The following PTPRD variants were observed in gnomAD, a reference collection of about 807,000 sequenced individuals.
The protein encoded by PTPRD is protein tyrosine phosphatase receptor type D.
PTPRD carries 34 observed loss-of-function variants against 214.5 expected under a neutral mutation model. The ratio of observed to expected loss-of-function variants is 0.16; its 90% CI spans 0.12 to 0.21. The LOEUF is 0.21. Among genes scored for constraint, PTPRD ranks in the 10% least tolerant of loss-of-function variants. The probability of loss-of-function intolerance (pLI) is 1.00; values close to 1 mark genes in which losing one functional copy is unlikely to be tolerated. For synonymous variants in PTPRD, 1,128 were observed against 845.7 expected (o/e 1.33, Z -5.79); for missense variants, 2,545 against 2,398.7 (o/e 1.06, Z -1.27).
At chr9:9,845,024 A>C (rs2059155155) in intron 5 of PTPRD, among the ~76,000 whole-genome samples, 1 of 146,268 alleles carries the variant, frequency 6.8e-6, no homozygotes, top group Non-Finnish European at 1.5e-5. Context: ...GTATGTATAT[A>C]TATACTGCTA....
At chr9:10,515,958 T>C (rs911010363) in intron 2 of PTPRD, among the ~76,000 whole-genome samples, 1 of 151,968 alleles carries the variant, frequency 6.6e-6, no homozygotes, top group African/African-American at 2.4e-5. Context: ...ATATACTACA[T>C]TTTACTCATC....
intron 2 of PTPRD, among the ~76,000 whole-genome samples, chr9:10,412,541 C>T (rs10809087): frequency 6.6e-6 from 1 of 151,034 alleles, no homozygotes; most frequent in Admixed American, 6.6e-5. Flanking sequence ...AAAATTGAGG[C>T]TGGACACTTC....
intron 11 of PTPRD, among the ~76,000 whole-genome samples, chr9:8,849,257 G>A (rs2097767051): frequency 7.0e-6 from 1 of 142,788 alleles, no homozygotes; most frequent in Non-Finnish European, 1.5e-5. Flanking sequence ...TTCACTGCAA[G>A]CTCCGCCTCT....
rs369103390 is a variant in PTPRD at position 8,548,356 on chromosome 9, T to C, written c.353-19577A>G. Reference sequence around the variant, plus strand: ...TGGGGTTCATGTGTTAGGTTGTATATGCATGCAGCTGGAATTTTGTTTTTT... The same window carrying C: ...TGGGGTTCATGTGTTAGGTTGTATACGCATGCAGCTGGAATTTTGTTTTTT... On this transcript the variant is annotated intron_variant, in intron 14 of 45. Coordinates refer to ENST00000381196, the MANE Select transcript of PTPRD (RefSeq NM_002839.4). 9.9e-5 allele frequency among the ~76,000 whole-genome samples: 15 copies of C among 151,992 alleles called. No homozygotes were observed. The East Asian group carries it at 2.9e-3, about 30-fold the overall frequency.
At chr9:9,964,407 G>A (rs1480341205) in intron 4 of PTPRD, among the ~76,000 whole-genome samples, 4 of 152,152 alleles carry the variant, frequency 2.6e-5, no homozygotes, top group African/African-American at 9.7e-5. Context: ...GAGAGAATGA[G>A]AATGTTTTCT....
At chr9:9,074,333 T>C (rs964433921) in intron 10 of PTPRD, among the ~76,000 whole-genome samples, 2 of 152,016 alleles carry the variant, frequency 1.3e-5, no homozygotes, top group African/African-American at 4.8e-5. Context: ...TAAAACACAA[T>C]TTGTAAAAAT....
intron 12 of PTPRD, among the ~76,000 whole-genome samples, chr9:8,725,748 T>C (rs2098549857): frequency 1.3e-5 from 2 of 152,190 alleles, no homozygotes; most frequent in Non-Finnish European, 2.9e-5. Context: ...ATTTTACAGA[T>C]GAGAGACACA....
intron 11 of PTPRD, among the ~76,000 whole-genome samples, chr9:8,735,132 T>C (rs1268161556): frequency 6.7e-6 from 1 of 148,392 alleles, no homozygotes. Flanking sequence ...AATTTGGTTT[T>C]TTTTTGTTTT....
chr9:9,013,673 G>A (rs1049831382), intron 11 of PTPRD, among the ~76,000 whole-genome samples: 57 of 152,048 alleles, frequency 3.7e-4, no homozygotes, highest in African/African-American at 1.4e-3. Context: ...GCATTTCATT[G>A]CATACAGAAG....
At chr9:8,732,212 G>C (rs1274652983) in intron 12 of PTPRD, among the ~76,000 whole-genome samples, 1 of 152,136 alleles carries the variant, frequency 6.6e-6, no homozygotes, top group East Asian at 1.9e-4. Context: ...CTTTTCACCA[G>C]AGAATTAAGC....
intron 11 of PTPRD, among the ~76,000 whole-genome samples, chr9:8,815,944 G>A (rs1309692797): frequency 6.6e-6 from 1 of 152,162 alleles, no homozygotes; most frequent in African/African-American, 2.4e-5. Context: ...GGTGGTACTT[G>A]AGTGATTTGA....
At chr9:9,262,864 G>A (rs188007149) in intron 9 of PTPRD, among the ~76,000 whole-genome samples, 19 of 151,552 alleles carry the variant, frequency 1.3e-4, no homozygotes, top group East Asian at 5.9e-4. Flanking sequence ...ATTAATTTCC[G>A]TTTTCTATGT....
intron 11 of PTPRD, among the ~76,000 whole-genome samples, chr9:8,776,943 A>G (rs1476609809): frequency 6.7e-6 from 1 of 148,204 alleles, no homozygotes; most frequent in Non-Finnish European, 1.5e-5. Context: ...GATGTAATAC[A>G]TATGTATAGT....
intron 3 of PTPRD, among the ~76,000 whole-genome samples, chr9:10,306,638 A>G (rs553679181): frequency 3.9e-5 from 6 of 152,228 alleles, no homozygotes; most frequent in African/African-American, 1.2e-4. Context: ...TAAAATTAAG[A>G]GCCTTTAATT....
chr9:10,090,661 ATAAAG>A (rs1379981572), intron 3 of PTPRD, among the ~76,000 whole-genome samples: 1 of 149,228 alleles, frequency 6.7e-6, no homozygotes, highest in Non-Finnish European at 1.5e-5. Context: ...ACCAGAATAA[ATAAAG>A]TAAATGATTT....
intron 14 of PTPRD, among the ~76,000 whole-genome samples, chr9:8,585,743 C>G (rs773887023): frequency 6.6e-6 from 1 of 152,156 alleles, no homozygotes; most frequent in Non-Finnish European, 1.5e-5. Context: ...GTGAAATTTA[C>G]AATTGCATTG....
chr9:8,436,447 T>G (rs2095353305), intron 35 of PTPRD, 145 bp downstream of exon 35: 7 of 591,644 alleles, frequency 1.2e-5, no homozygotes, highest in Middle Eastern at 3.8e-4. Context: ...CACTTTTAAG[T>G]TGACGGTTCA....
Position 9,482,920 on chromosome 9 carries a change from C to T in PTPRD, c.-236-85438G>A, listed in dbSNP as rs567672895. ...AACTCAAATGCTTCTAACATGTAGA[C>T]GCTACTCTCTTTAAATAGTTTCTTA... On this transcript the variant is annotated intron_variant, in intron 8 of 45. Coordinates refer to ENST00000381196, the MANE Select transcript of PTPRD (RefSeq NM_002839.4). 1.5e-4 allele frequency among the ~76,000 whole-genome samples: 23 copies of T among 152,224 alleles called. No homozygotes were observed. In the East Asian group the frequency reaches 2.1e-3, roughly 14 times the overall value.
chr9:8,947,347 C>T (rs2099071819), intron 11 of PTPRD, among the ~76,000 whole-genome samples: 1 of 151,066 alleles, frequency 6.6e-6, no homozygotes, highest in African/African-American at 2.4e-5. Context: ...CCTGTAGTCC[C>T]AGCTATTCGG....
Sources: allele counts gnomAD v4.1 joint callset (sites outside exome capture counted in the v4.1 genomes callset), GRCh38; gene constraint gnomAD v4.1.1; transcripts MANE v1.5; gene names NCBI Gene and HGNC (gene_info 2026-07-23, HGNC 2026-07-21).